SLC25A13: variants seen among roughly 807,000 people sequenced by gnomAD.
SLC25A13 encodes electrogenic aspartate/glutamate antiporter SLC25A13, mitochondrial.
A neutral mutation model predicts 85.5 loss-of-function variants in SLC25A13; 70 were observed. The observed-to-expected ratio is 0.82, with a 90% CI of 0.68 to 1.00. The LOEUF is 1.00. Ranked by LOEUF, SLC25A13 falls within the 50% of genes least tolerant of loss-of-function variation. SLC25A13 has a pLI of 0.00. For missense variants in SLC25A13, 765 were observed against 819.8 expected (o/e 0.93, Z 0.82); for synonymous variants, 259 against 288.7 (o/e 0.90, Z 1.04).
intron 2 of SLC25A13, among the ~76,000 whole-genome samples, chr7:96,281,220 G>A (rs1308373113): frequency 4.6e-5 from 7 of 151,972 alleles, no homozygotes; most frequent in Admixed American, 1.3e-4. Context: ...GTGAAACCCC[G>A]TCTGTACTAA....
intron 14 of SLC25A13, among the ~76,000 whole-genome samples, chr7:96,144,071 C>T (rs1432133108): frequency 3.9e-5 from 6 of 152,184 alleles, no homozygotes; most frequent in Admixed American, 3.9e-4. Context: ...AAGTGCTATC[C>T]TGAAACAAAA....
At chr7:96,303,447 T>C (rs1799627641) in intron 1 of SLC25A13, among the ~76,000 whole-genome samples, 1 of 151,912 alleles carries the variant, frequency 6.6e-6, no homozygotes. Flanking sequence ...CCTGAGGAAA[T>C]AGTGCAGTAG....
chr7:96,228,563 C>T (rs1426815820), intron 4 of SLC25A13, among the ~76,000 whole-genome samples: 1 of 152,214 alleles, frequency 6.6e-6, no homozygotes, highest in African/African-American at 2.4e-5. Flanking sequence ...TGCTGGCAGT[C>T]CTCGCTCGCT....
intron 1 of SLC25A13, among the ~76,000 whole-genome samples, chr7:96,298,871 C>T (rs753531774): frequency 6.6e-6 from 1 of 151,658 alleles, no homozygotes; most frequent in Non-Finnish European, 1.5e-5. Flanking sequence ...ACTCCCTCCT[C>T]TCAGGTCTCT....
At chr7:96,147,417 G>A (rs1024990046) in intron 13 of SLC25A13, among the ~76,000 whole-genome samples, 2 of 152,158 alleles carry the variant, frequency 1.3e-5, no homozygotes, top group Non-Finnish European at 2.9e-5. Flanking sequence ...TGAACATCGT[G>A]TGTTATTTCA....
chr7:96,240,757 AAAAG>A (rs1362005899), intron 3 of SLC25A13, among the ~76,000 whole-genome samples: 1 of 150,668 alleles, frequency 6.6e-6, no homozygotes. Context: ...GAAAAAAAAA[AAAAG>A]AAAAGAAAGA....
rs1443551969 is a variant in SLC25A13 at position 96,321,965 on chromosome 7, C to A, written c.-9G>T. On this transcript the variant is annotated 5_prime_UTR_variant, in exon 1 of 18. Coordinates refer to ENST00000265631, the MANE Select transcript of SLC25A13 (RefSeq NM_014251.3). ...ACCTTGGCGGCCGCCATGATTCGCC[C>A]CGGTTGCGGGCGACTGCGGGACCCA... is the stretch of plus-strand genomic sequence containing the variant. 1 of 1,540,672 alleles carries A rather than the reference C, an allele frequency of 6.5e-7. No homozygotes were observed. Among genetic ancestry groups the A allele is most frequent in the Non-Finnish European group, 8.7e-7 (1 of 1,145,020 alleles).
intron 5 of SLC25A13, among the ~76,000 whole-genome samples, chr7:96,200,793 T>G (rs1795227570): frequency 6.6e-6 from 1 of 152,210 alleles, no homozygotes; most frequent in Non-Finnish European, 1.5e-5. Flanking sequence ...GTGTTCATTT[T>G]TACCAGGATG....
chr7:96,259,645 T>A (rs759422406), intron 3 of SLC25A13, among the ~76,000 whole-genome samples: 6 of 152,300 alleles, frequency 3.9e-5, no homozygotes, highest in Admixed American at 6.5e-5. Context: ...GAAGTCAGTG[T>A]GGTGATTCCT....
intron 4 of SLC25A13, among the ~76,000 whole-genome samples, chr7:96,225,220 G>A (rs1796287798): frequency 6.6e-6 from 1 of 151,974 alleles, no homozygotes; most frequent in Non-Finnish European, 1.5e-5. Context: ...CTCACCCATG[G>A]CCAATCGGGA....
chr7:96,210,583 A>T (rs1161808365), intron 4 of SLC25A13, among the ~76,000 whole-genome samples: 3 of 152,202 alleles, frequency 2.0e-5, no homozygotes, highest in Non-Finnish European at 4.4e-5. Flanking sequence ...TTAATATCTT[A>T]AAACATGACT....
chr7:96,173,038 G>A lies in SLC25A13; in HGVS notation c.1178-1514C>T, dbSNP rs537250722. On this transcript the variant is annotated intron_variant, in intron 11 of 17. Transcript: ENST00000265631. The stretch of plus-strand genomic sequence containing the variant: ...CTTCCAAAGTGTCGGGATTACAGGC[G>A]TGAGCCACAGCGCCCGGCCTCCAGT... 4.6e-5 allele frequency among the ~76,000 whole-genome samples: 7 copies of A among 152,304 alleles called. No homozygotes were observed. The South Asian group carries it at 8.3e-4, about 18-fold the overall frequency.
chr7:96,176,206 C>T (rs186608999), intron 11 of SLC25A13, among the ~76,000 whole-genome samples: 1 of 152,292 alleles, frequency 6.6e-6, no homozygotes, highest in East Asian at 1.9e-4. Context: ...TTCATCACAA[C>T]CACAATTAAG....
At position 96,283,709 on chromosome 7, in the gene SLC25A13, T is replaced by C. The variant is rs1026088093; in HGVS notation, c.70-6371A>G. 1.1e-4 allele frequency: 30 copies of C among 279,946 alleles called. 1 individual carries two copies. Among genetic ancestry groups the C allele is most frequent in the African/African-American group, 6.8e-4 (30 of 44,268 alleles). The allele number at this position is 279,946 out of a possible 1,614,324, so 17.3% of individuals were successfully genotyped here. ...GAAAAATGATCAGAAAAAGAAGGTG[T>C]ACCTGGTGTCAGCCTGCTCCACGCA... On this transcript the variant is annotated intron_variant, in intron 2 of 17. Coordinates refer to ENST00000265631, the MANE Select transcript of SLC25A13 (RefSeq NM_014251.3).
intron 13 of SLC25A13, among the ~76,000 whole-genome samples, chr7:96,152,145 G>A (rs1444310502): frequency 7.9e-5 from 12 of 152,166 alleles, no homozygotes; most frequent in Admixed American, 7.9e-4. Context: ...CATGGAGAAG[G>A]GGTATGAAAG....
chr7:96,265,967 T>C (rs1798031586), intron 3 of SLC25A13, among the ~76,000 whole-genome samples: 1 of 152,124 alleles, frequency 6.6e-6, no homozygotes, highest in East Asian at 1.9e-4. Flanking sequence ...ACTAATCCTA[T>C]CTGTGAGAGC....
intron 4 of SLC25A13, among the ~76,000 whole-genome samples, chr7:96,230,939 T>A (rs1051631531): frequency 2.6e-5 from 4 of 152,144 alleles, no homozygotes; most frequent in African/African-American, 9.7e-5. Context: ...TGAAACCCTG[T>A]CTCTACTGAA....
chr7:96,283,420 C>T, intron 2 of SLC25A13: 3 of 417,832 alleles, frequency 7.2e-6, no homozygotes, highest in Admixed American at 2.4e-5. Flanking sequence ...TTTTAGAAAA[C>T]ATAGAGTTGT....
intron 4 of SLC25A13, among the ~76,000 whole-genome samples, chr7:96,228,353 AG>A (rs1294499063): frequency 6.6e-6 from 1 of 152,224 alleles, no homozygotes; most frequent in Non-Finnish European, 1.5e-5. Flanking sequence ...ACATGACTGA[AG>A]AAGATAGCCA....
Sources: allele counts gnomAD v4.1 joint callset (sites outside exome capture counted in the v4.1 genomes callset), GRCh38; gene constraint gnomAD v4.1.1; transcripts MANE v1.5; gene names NCBI Gene and HGNC (gene_info 2026-07-23, HGNC 2026-07-21).